Variants in GPHN observed in about 807,000 individuals in gnomAD.
The protein encoded by GPHN is gephyrin.
Under a neutral mutation model 95.5 loss-of-function variants are expected in GPHN, and 17 were observed. The ratio of observed to expected loss-of-function variants is 0.18; its 90% CI spans 0.12 to 0.27. The LOEUF is 0.27. GPHN is among the 10% of genes least tolerant of loss of function. The pLI is 1.00. For synonymous variants in GPHN, 320 were observed against 322.5 expected, an observed-to-expected ratio of 0.99 and a Z score of 0.08; for missense variants, 660 against 978.1, an observed-to-expected ratio of 0.67 and a Z score of 4.34.
chr14:67,439,851 G>C, the GPHN span, among the ~76,000 whole-genome samples: 1 of 150,694 alleles, frequency 6.6e-6, no homozygotes, highest in South Asian at 2.1e-4. Context: ...CTTTTCTTTT[G>C]TTTTGAAACA....
the GPHN span, chr14:67,376,498 G>A: frequency 6.2e-7 from 1 of 1,614,078 alleles, no homozygotes; most frequent in East Asian, 2.2e-5. Flanking sequence ...ATGAGCAGCT[G>A]GAAAGCCTAT....
At chr14:66,767,534 C>G (rs2059009741) in intron 2 of GPHN, among the ~76,000 whole-genome samples, 1 of 151,080 alleles carries the variant, frequency 6.6e-6, no homozygotes, top group Admixed American at 6.6e-5. Flanking sequence ...AGTGTTTTAT[C>G]AGTAACTTCT....
the GPHN span, among the ~76,000 whole-genome samples, chr14:67,687,247 A>G: frequency 7.9e-5 from 12 of 152,272 alleles, no homozygotes; most frequent in Middle Eastern, 3.4e-3. Context: ...AAAAGGCTTT[A>G]ATTTTAACCG....
chr14:66,961,914 A>ATGTG (rs1355048015), intron 8 of GPHN, among the ~76,000 whole-genome samples: 5 of 62,016 alleles, frequency 8.1e-5, no homozygotes, highest in African/African-American at 4.6e-4. Context: ...ATATATATAT[A>ATGTG]TATATATATA....
intron 18 of GPHN, among the ~76,000 whole-genome samples, chr14:67,158,288 C>T (rs1318813208): frequency 7.4e-6 from 1 of 135,922 alleles, no homozygotes; most frequent in Non-Finnish European, 1.5e-5. Flanking sequence ...GCCTGGAGGA[C>T]GAGAGCAAAA....
At chr14:66,835,176 A>T (rs1272739066) in intron 4 of GPHN, among the ~76,000 whole-genome samples, 9 of 149,190 alleles carry the variant, frequency 6.0e-5, no homozygotes, top group African/African-American at 2.0e-4. Context: ...CTAGCGGTCT[A>T]TCAATTTTGT....
At chr14:67,663,133 T>C in the GPHN span, 1 of 1,528,872 alleles carries the variant, frequency 6.5e-7, no homozygotes. Context: ...TTTCAGCCTT[T>C]CCCATTCTGT....
the GPHN span, chr14:67,204,794 C>T: frequency 6.0e-5 from 97 of 1,613,824 alleles, no homozygotes; most frequent in African/African-American, 2.1e-4. Context: ...ATGGATGTGA[C>T]GGATGTCACC....
intron 14 of GPHN, among the ~76,000 whole-genome samples, chr14:67,111,015 C>T (rs1454524174): frequency 6.6e-6 from 1 of 152,152 alleles, no homozygotes; most frequent in African/African-American, 2.4e-5. Context: ...AGCTCTCTTA[C>T]TTGTTTTATG....
At chr14:67,302,497 G>T in the GPHN span, 1 of 1,597,526 alleles carries the variant, frequency 6.3e-7, no homozygotes, top group Non-Finnish European at 8.5e-7. Context: ...TCTGTTGCAT[G>T]AAGGAGATGA....
intron 9 of GPHN, among the ~76,000 whole-genome samples, chr14:67,004,678 G>A (rs2035216253): frequency 6.6e-6 from 1 of 151,634 alleles, no homozygotes; most frequent in Non-Finnish European, 1.5e-5. Context: ...CCAAATTATT[G>A]TTAAGTCACA....
At chr14:67,192,245 G>C in the GPHN span, among the ~76,000 whole-genome samples, 1 of 152,136 alleles carries the variant, frequency 6.6e-6, no homozygotes, top group African/African-American at 2.4e-5. Context: ...ATACACAATC[G>C]TGATAGAATA....
At chr14:67,637,658 G>C in the GPHN span, among the ~76,000 whole-genome samples, 43 of 152,266 alleles carry the variant, frequency 2.8e-4, no homozygotes, top group South Asian at 2.1e-3. Context: ...GGCATTAGAG[G>C]AGAAAGCTCT....
At chr14:67,268,125 A>AAC in the GPHN span, among the ~76,000 whole-genome samples, 1 of 152,166 alleles carries the variant, frequency 6.6e-6, no homozygotes, top group African/African-American at 2.4e-5. Flanking sequence ...TGGAAACTGT[A>AAC]TGTTTAACTT....
At chr14:67,168,782 C>T (rs1347788600) in intron 20 of GPHN, 151 bp from the exon 21 acceptor site, 3 of 682,056 alleles carry the variant, frequency 4.4e-6, no homozygotes, top group South Asian at 3.2e-5. Flanking sequence ...GACTATACCT[C>T]TGTTCTGGTT....
the GPHN span, among the ~76,000 whole-genome samples, chr14:67,612,294 G>T: frequency 6.6e-6 from 1 of 152,210 alleles, no homozygotes; most frequent in African/African-American, 2.4e-5. Flanking sequence ...GAATTTTATG[G>T]AGTTAGATGA....
intron 2 of GPHN, among the ~76,000 whole-genome samples, chr14:66,721,453 T>C (rs989981808): frequency 6.6e-6 from 1 of 152,152 alleles, no homozygotes; most frequent in Non-Finnish European, 1.5e-5. Flanking sequence ...AACACTTATA[T>C]TAATAACATA....
intron 9 of GPHN, among the ~76,000 whole-genome samples, chr14:67,013,394 T>G (rs962850922): frequency 6.6e-6 from 1 of 152,022 alleles, no homozygotes; most frequent in Non-Finnish European, 1.5e-5. Flanking sequence ...AGAAAAAAAT[T>G]TACATACATC....
the GPHN span, chr14:67,393,016 A>C: frequency 2.6e-5 from 23 of 881,070 alleles, no homozygotes; most frequent in Non-Finnish European, 3.9e-5. Context: ...ACACCCACAC[A>C]TGGCCATCTC....
Sources: allele counts gnomAD v4.1 joint callset (sites outside exome capture counted in the v4.1 genomes callset), GRCh38; gene constraint gnomAD v4.1.1; transcripts MANE v1.5; gene names NCBI Gene and HGNC (gene_info 2026-07-23, HGNC 2026-07-21).